Variants in MAGED2 observed in about 807,000 individuals in gnomAD.
MAGED2 encodes melanoma-associated antigen D2.
Under a neutral mutation model 41.7 loss-of-function variants are expected in MAGED2, and 6 were observed. The observed-to-expected ratio is 0.14, with a 90% confidence interval of 0.08 to 0.28. MAGED2 has a LOEUF of 0.28. MAGED2 is among the 10% of genes least tolerant of loss of function. The pLI is 1.00. For synonymous variants in MAGED2, 146 were observed against 178.2 expected (o/e 0.82, Z 1.44); for missense variants, 343 against 486.4 (o/e 0.71, Z 2.77).
chrX:54,811,683 A>G (rs771860030), intron 6 of MAGED2, 30 bp downstream of exon 6: 19 of 1,087,495 alleles, frequency 1.7e-5, no homozygotes, highest in Non-Finnish European at 2.2e-5. Flanking sequence ...GGATGGGCAC[A>G]GTGGGGAAGC....
At position 54,811,006 on chromosome X, in the gene MAGED2, C is replaced by T. The variant is rs1037414834; in HGVS notation, c.723C>T (p.Ala241=). Residue 241 remains alanine, a synonymous_variant, in exon 4 of 13, where the codon GCC becomes GCT. Transcript: ENST00000375068. ...RTRLAAWARR[A]LLSLRSPKAR... is the part of the protein sequence containing the mutation. ...GGTTGGCTGCTTGGGCCCGGAGAGC[C>T]TTGCTCTCCCTGAGATCACCTAAAG... 3.3e-6 allele frequency: 4 copies of T among 1,199,846 alleles called. No individual in the cohort carries two copies. The highest frequency in any genetic ancestry group is 2.3e-4 in the Middle Eastern group (1 of 4,336).
Position 54,811,042 on chromosome X carries a change from C to T in MAGED2, c.759C>T (p.Gly253=), listed in dbSNP as rs779390979. The part of the protein sequence containing the change: ...LSLRSPKARR[G]KARRRAAKLQ... ...TGAGATCACCTAAAGCCCGTAGGGGCAAGGCTCGCCGTAGAGCTGCCAAGC... is the reference window on the plus strand; with the variant it reads ...TGAGATCACCTAAAGCCCGTAGGGGTAAGGCTCGCCGTAGAGCTGCCAAGC... Residue 253 remains glycine (G), a synonymous_variant, in exon 4 of 13, where the codon GGC becomes GGT. Coordinates refer to ENST00000375068, the MANE Select transcript of MAGED2 (RefSeq NM_177433.3). 8.3e-7 allele frequency: 1 copy of T among 1,200,605 alleles called. No homozygotes were observed. The highest frequency in any genetic ancestry group is 1.1e-6 in the Non-Finnish European group (1 of 889,653).
chrX:54,808,255 A>T (rs1237667865), intron 1 of MAGED2: 1 of 63,852 alleles, frequency 1.6e-5, no homozygotes, highest in Non-Finnish European at 2.9e-5. Flanking sequence ...GGGAATACGG[A>T]GGGGGGCATA....
intron 6 of MAGED2, 37 bp from the exon 7 acceptor site, chrX:54,812,120 A>AT (rs1244407010): frequency 2.3e-6 from 2 of 888,801 alleles, no homozygotes; most frequent in African/African-American, 3.9e-5. Flanking sequence ...CGGAAGCTGA[A>AT]TTTTGTCATC....
At position 54,811,240 on chromosome X, in the gene MAGED2, A is replaced by G; in HGVS notation, c.847-10A>G. The G allele has an allele frequency of 8.3e-7, 1 of 1,208,717 alleles. No individual in the cohort carries two copies. Reference sequence around the variant, plus strand: ...TGTTTTGGTCTTTCCATCTTTTTCTACTCTGCCAGGCAAATGATTTGGTGA... The same window carrying G: ...TGTTTTGGTCTTTCCATCTTTTTCTGCTCTGCCAGGCAAATGATTTGGTGA... On this transcript the variant is annotated splice_polypyrimidine_tract_variant and intron_variant, in intron 4 of 12. Coordinates refer to ENST00000375068, the MANE Select transcript of MAGED2 (RefSeq NM_177433.3).
intron 9 of MAGED2, 123 bp downstream of exon 9, chrX:54,813,283 C>G: frequency 9.2e-7 from 1 of 1,081,517 alleles, no homozygotes; most frequent in Non-Finnish European, 1.3e-6. Flanking sequence ...GGGTAGAGGG[C>G]CCAGGGTTCT....
intron 10 of MAGED2, among the ~76,000 whole-genome samples, chrX:54,813,983 G>A (rs1161598170): frequency 1.8e-5 from 2 of 112,231 alleles, no homozygotes; most frequent in Non-Finnish European, 3.8e-5. Context: ...GTAGCTTCAG[G>A]CAACCAGGTA....
intron 3 of MAGED2, among the ~76,000 whole-genome samples, chrX:54,810,613 C>CT (rs1346318777): frequency 2.1e-4 from 23 of 112,032 alleles, no homozygotes; most frequent in African/African-American, 7.1e-4. Context: ...TCCACCCACC[C>CT]TTGGTTTGCT....
At position 54,815,552 on chromosome X, in the gene MAGED2, G is replaced by A. The variant is rs766954953; in HGVS notation, c.1691G>A (p.Ser564Asn). 1 of 1,176,593 alleles carries A rather than the reference G, an allele frequency of 8.5e-7. No homozygotes were observed. The highest frequency in any genetic ancestry group is 2.4e-5 in the Admixed American group (1 of 41,249). Residue 564 changes from serine (S) to asparagine (N), a missense_variant, in exon 12 of 13, where the codon AGC becomes AAC. This residue lies in a region of MAGED2 where 53 missense variants were observed against 60.4 expected (regional missense o/e 0.88). Transcript: ENST00000375068. Reference sequence around the variant, plus strand: ...AATAACAGTGCCAGTGCCAGTGCCAGCACCAGTGGTGGCTTCAGTGCTGGT... The same window carrying A: ...AATAACAGTGCCAGTGCCAGTGCCAACACCAGTGGTGGCTTCAGTGCTGGT... The part of the protein sequence containing the change: ...STNNSASASA[S>N]TSGGFSAGAS...
intron 1 of MAGED2, 91 bp from the exon 2 acceptor site, chrX:54,809,212 G>C: frequency 1.6e-6 from 1 of 634,044 alleles, no homozygotes; most frequent in Non-Finnish European, 2.6e-6. Flanking sequence ...TGGAATTGGG[G>C]ACCTACGGAA....
At chrX:54,810,797 T>C in intron 3 of MAGED2, 24 bp from the exon 4 acceptor site, 1 of 1,138,308 alleles carries the variant, frequency 8.8e-7, no homozygotes, top group Non-Finnish European at 1.2e-6. Flanking sequence ...CTGGTGACGT[T>C]GAGCTTCCTC....
rs2147634911 is a variant in MAGED2, at chrX:54,813,154, G to A, written c.1202G>A (p.Arg401His). Residue 401 changes from arginine to histidine, a missense_variant, in exon 9 of 13, where the codon CGC becomes CAC. By Grantham distance (29) the Arg-to-His change is conservative. Coordinates refer to ENST00000375068, the MANE Select transcript of MAGED2 (RefSeq NM_177433.3). Reference protein sequence around the residue: ...IWEVLRKLGLRPGIHHSLFGD... With the variant: ...IWEVLRKLGLHPGIHHSLFGD... ...GAGGTGCTGCGCAAGTTGGGGCTGC[G>A]CCCTGGGTATGATTGGGCTCTCTCA... is the stretch of plus-strand genomic sequence containing the variant. The A allele has an allele frequency of 5.0e-6, 6 of 1,211,151 alleles. No individual in the cohort carries two copies. Among genetic ancestry groups the A allele is most frequent in the Admixed American group, 2.2e-5 (1 of 46,094 alleles).
chrX:54,808,649 A>G (rs1157719233), intron 1 of MAGED2, among the ~76,000 whole-genome samples: 1 of 107,538 alleles, frequency 9.3e-6, no homozygotes, highest in African/African-American at 3.4e-5. Context: ...CGGAACCAAG[A>G]TGCGCCTGTT....
chrX:54,808,889 A>G (rs1929703114), intron 1 of MAGED2, among the ~76,000 whole-genome samples: 1 of 112,453 alleles, frequency 8.9e-6, no homozygotes, highest in Admixed American at 9.3e-5. Context: ...TTTCGCTAGA[A>G]AGGGGCGTGT....
chrX:54,811,218 T>G (rs752241283), intron 4 of MAGED2, 32 bp from the exon 5 acceptor site: 7 of 1,204,082 alleles, frequency 5.8e-6, no homozygotes, highest in Non-Finnish European at 7.9e-6. Context: ...GCAAACTTGT[T>G]TTGGTCTTTC....
rs1251121473 is a variant in MAGED2 at position 54,809,925 on chromosome X, C to T, written c.249C>T (p.Ala83=). ...CTCGGGAGGCACCTGCCACCCAGGCCTCATCTACTACTCAGCTGACTGATA... is the reference window on the plus strand; with the variant it reads ...CTCGGGAGGCACCTGCCACCCAGGCTTCATCTACTACTCAGCTGACTGATA... ...PEAREAPATQ[A]SSTTQLTDTQ... Residue 83 remains alanine, a synonymous_variant, in exon 3 of 13, where the codon GCC becomes GCT. Transcript: ENST00000375068. The T allele has an allele frequency of 2.5e-6, 3 of 1,200,071 alleles. No homozygotes were observed. Among genetic ancestry groups the T allele is most frequent in the East Asian group, 3.0e-5 (1 of 33,474 alleles).
chrX:54,810,491 A>G (rs780135989), intron 3 of MAGED2, among the ~76,000 whole-genome samples: 6 of 111,936 alleles, frequency 5.4e-5, no homozygotes, highest in Non-Finnish European at 1.1e-4. Flanking sequence ...AGTAATTCTC[A>G]TAGCCCCAAT....
At chrX:54,812,359 G>T in intron 7 of MAGED2, 108 bp downstream of exon 7, 1 of 474,754 alleles carries the variant, frequency 2.1e-6, no homozygotes, top group South Asian at 3.3e-5. Context: ...GGAAAGACAG[G>T]GTCTCAAAAG....
At chrX:54,813,691 C>A in intron 10 of MAGED2, 141 bp downstream of exon 10, 1 of 505,476 alleles carries the variant, frequency 2.0e-6, no homozygotes, top group East Asian at 3.5e-5. Context: ...GGGATTATTC[C>A]TTGGGCGGTG....
Sources: allele counts gnomAD v4.1 joint callset (sites outside exome capture counted in the v4.1 genomes callset), GRCh38; gene constraint gnomAD v4.1.1; regional missense constraint gnomAD v4.1.1; transcripts MANE v1.5; gene names NCBI Gene and HGNC (gene_info 2026-07-23, HGNC 2026-07-21).